Variants in ZFYVE28 observed in about 807,000 individuals in gnomAD.
ZFYVE28 encodes the protein zinc finger FYVE-type containing 28.
In ZFYVE28, 40 loss-of-function variants were observed where a neutral mutation model predicts 82.1. The ratio of observed to expected loss-of-function variants is 0.49; its 90% CI spans 0.38 to 0.63. The LOEUF (loss-of-function observed/expected upper bound fraction) is 0.63, where lower values mean the gene tolerates loss of function less well. ZFYVE28 is among the 30% of genes least tolerant of loss of function. ZFYVE28 has a pLI of 0.00. For synonymous variants in ZFYVE28, 612 were observed against 546.1 expected (o/e 1.12, Z -1.68); for missense variants, 1,321 against 1,242.1 (o/e 1.06, Z -0.96).
chr4:2,387,051 G>A (rs902283371), intron 1 of ZFYVE28, among the ~76,000 whole-genome samples: 1 of 131,546 alleles, frequency 7.6e-6, no homozygotes, highest in African/African-American at 3.4e-5. Flanking sequence ...CAGACTGCAG[G>A]AGACTCCGGG....
Position 2,276,550 on chromosome 4 carries a change from G to C in ZFYVE28, c.2052-2334C>G, listed in dbSNP as rs561728334. ...CGTTCATAGCGGCCAAGAGACGGCA[G>C]CAACTCAGGTGTCTGTTGGCAGAGG... is the stretch of plus-strand genomic sequence containing the variant. On this transcript the variant is annotated intron_variant, in intron 8 of 12. Transcript: ENST00000290974. Among the ~76,000 whole-genome samples the C allele has an allele frequency of 3.7e-4, 56 of 152,304 alleles. 1 individual carries two copies. Among genetic ancestry groups the C allele is most frequent in the Middle Eastern group, 3.4e-3 (1 of 292 alleles).
At chr4:2,388,823 C>A (rs1169866359) in intron 1 of ZFYVE28, among the ~76,000 whole-genome samples, 1 of 152,168 alleles carries the variant, frequency 6.6e-6, no homozygotes, top group Middle Eastern at 3.2e-3. Context: ...AGACCCCTCC[C>A]CTGCTGGGCT....
chr4:2,284,261 G>A (rs575587430), intron 8 of ZFYVE28, among the ~76,000 whole-genome samples: 4 of 152,112 alleles, frequency 2.6e-5, no homozygotes, highest in East Asian at 1.9e-4. Context: ...AGGCCGTGTC[G>A]CCCAGGCTGG....
chr4:2,358,297 G>A (rs540816155), intron 1 of ZFYVE28, among the ~76,000 whole-genome samples: 7 of 152,234 alleles, frequency 4.6e-5, no homozygotes, highest in Non-Finnish European at 7.3e-5. Context: ...ATGTGCATGC[G>A]TGTGTGCATG....
At position 2,378,099 on chromosome 4, in the gene ZFYVE28, G is replaced by A. The variant is rs952363358; in HGVS notation, c.40-24026C>T. On this transcript the variant is annotated intron_variant, in intron 1 of 12. Transcript: ENST00000290974. ...TCACGCCTGTAATCCCAGCACTTTG[G>A]GAGGCTGAAGCGGGCGGATCATTTG... is the stretch of plus-strand genomic sequence containing the variant. Among the ~76,000 whole-genome samples the A allele has an allele frequency of 2.0e-5, 3 of 152,236 alleles. No individual in the cohort carries two copies. The South Asian group carries it at 6.2e-4, about 31-fold the overall frequency.
chr4:2,387,571 C>T (rs1317400758), intron 1 of ZFYVE28, among the ~76,000 whole-genome samples: 2 of 152,212 alleles, frequency 1.3e-5, no homozygotes, highest in Non-Finnish European at 2.9e-5. Context: ...ACAGAGGAGG[C>T]CTGGGCAGGG....
chr4:2,306,714 T>C (rs914693555), intron 7 of ZFYVE28, among the ~76,000 whole-genome samples: 3 of 152,230 alleles, frequency 2.0e-5, no homozygotes, highest in African/African-American at 7.2e-5. Flanking sequence ...GAGTTTTTTG[T>C]TTATCTGAAA....
In ZFYVE28 at chr4:2,416,123, G is replaced by A. The variant is rs1208794105; in HGVS notation, c.39+2162C>T. Among the ~76,000 whole-genome samples, 1 of 152,198 alleles carries A rather than the reference G, an allele frequency of 6.6e-6. No individual in the cohort carries two copies. Among genetic ancestry groups the A allele is most frequent in the African/African-American group, 2.4e-5 (1 of 41,438 alleles). ...CACTGGCTGTGCCCTCTTGGTGCCC[G>A]CCGCCTGCCTGGAAAGGCAGCTGCC... On this transcript the variant is annotated intron_variant, in intron 1 of 12. Transcript: ENST00000290974. The surrounding 1 kb of genome is among the most constrained non-coding windows in gnomAD (Gnocchi z 4.6).
In ZFYVE28 at chr4:2,418,266, C is replaced by G. The variant is rs1291833038; in HGVS notation, c.39+19G>C. The G allele has an allele frequency of 6.5e-7, 1 of 1,535,654 alleles. No homozygotes were observed. Among genetic ancestry groups the G allele is most frequent in the Admixed American group, 2.0e-5 (1 of 49,602 alleles). ...AGGCCGCGACGCGGGGGGCGTCCGG[C>G]CCGAGCGGGGCCGCTCACCTTGGGT... On this transcript the variant is annotated intron_variant, in intron 1 of 12. Transcript: ENST00000290974. The surrounding 1 kb of genome is among the most constrained non-coding windows in gnomAD (Gnocchi z 4.6).
At chr4:2,384,574 C>T (rs980023764) in intron 1 of ZFYVE28, among the ~76,000 whole-genome samples, 10 of 152,062 alleles carry the variant, frequency 6.6e-5, no homozygotes, top group African/African-American at 2.4e-5. Flanking sequence ...GGAATCTCCT[C>T]CTGAGGGAGT....
intron 8 of ZFYVE28, among the ~76,000 whole-genome samples, chr4:2,303,672 C>T (rs1212230343): frequency 2.6e-5 from 4 of 152,174 alleles, no homozygotes; most frequent in Admixed American, 6.5e-5. Context: ...GAGACCTCCC[C>T]ATCTCCCCCC....
intron 1 of ZFYVE28, among the ~76,000 whole-genome samples, chr4:2,358,920 G>A (rs951959430): frequency 6.6e-6 from 1 of 151,236 alleles, no homozygotes; most frequent in Non-Finnish European, 1.5e-5. Context: ...TCCCACCTCA[G>A]CCTCCTGAGT....
At chr4:2,327,303 TATATATC>T (rs1720028022) in intron 6 of ZFYVE28, among the ~76,000 whole-genome samples, 1 of 59,104 alleles carries the variant, frequency 1.7e-5, no homozygotes, top group African/African-American at 5.4e-5. Context: ...TATATATATA[TATATATC>T]GAATAAAGTT....
At chr4:2,296,290 T>C (rs1297109394) in intron 8 of ZFYVE28, among the ~76,000 whole-genome samples, 8 of 152,146 alleles carry the variant, frequency 5.3e-5, no homozygotes, top group Admixed American at 4.6e-4. Context: ...GGGGTTCTGG[T>C]GACACAGGCA....
intron 1 of ZFYVE28, among the ~76,000 whole-genome samples, chr4:2,371,838 G>A (rs1281085333): frequency 6.6e-6 from 1 of 152,232 alleles, no homozygotes; most frequent in East Asian, 1.9e-4. Flanking sequence ...CCAGCAAACA[G>A]CTGGCAGCCC....
chr4:2,363,308 G>A (rs968329691), intron 1 of ZFYVE28, among the ~76,000 whole-genome samples: 1 of 152,162 alleles, frequency 6.6e-6, no homozygotes, highest in Non-Finnish European at 1.5e-5. Flanking sequence ...CTGGTAGAAC[G>A]TGCTGAGGAC....
At chr4:2,346,578 G>A in intron 2 of ZFYVE28, among the ~76,000 whole-genome samples, 1 of 152,160 alleles carries the variant, frequency 6.6e-6, no homozygotes, top group East Asian at 1.9e-4. Flanking sequence ...ACATACAAAA[G>A]TAAAATGTAT....
chr4:2,329,353 G>C (rs889175026), intron 6 of ZFYVE28, among the ~76,000 whole-genome samples: 11 of 151,922 alleles, frequency 7.2e-5, no homozygotes, highest in African/African-American at 2.7e-4. Context: ...TTTATTCCTA[G>C]GCATTTTACT....
At chr4:2,328,932 C>T (rs1720275201) in intron 6 of ZFYVE28, 10 of 483,818 alleles carry the variant, frequency 2.1e-5, no homozygotes, top group Non-Finnish European at 1.5e-5. Flanking sequence ...ATCAGTTCAC[C>T]ATAGATGTTT....
Sources: allele counts gnomAD v4.1 joint callset (sites outside exome capture counted in the v4.1 genomes callset), GRCh38; gene constraint gnomAD v4.1.1; non-coding constraint Gnocchi (gnomAD v3.1); transcripts MANE v1.5; gene names NCBI Gene and HGNC (gene_info 2026-07-23, HGNC 2026-07-21).